The following CSMD3 variants were observed in gnomAD, a reference collection of about 807,000 sequenced individuals.
CSMD3 encodes the protein CUB and Sushi multiple domains 3, also known as CUB and sushi domain-containing protein 3.
In CSMD3, 177 loss-of-function variants were observed where a neutral mutation model predicts 435.2. That is an observed-to-expected ratio of 0.41 (90% confidence interval 0.36 to 0.46). The LOEUF (loss-of-function observed/expected upper bound fraction) is 0.46. Among genes scored for constraint, CSMD3 ranks in the 20% least tolerant of loss-of-function variants. The pLI is 0.34. For synonymous variants in CSMD3, 1,656 were observed against 1,520.5 expected (o/e 1.09, Z -2.07); for missense variants, 4,265 against 4,504.6 (o/e 0.95, Z 1.52).
At chr8:112,363,267 G>A (rs1827429648) in intron 38 of CSMD3, among the ~76,000 whole-genome samples, 1 of 151,960 alleles carries the variant, frequency 6.6e-6, no homozygotes, top group Non-Finnish European at 1.5e-5. Flanking sequence ...TATTGGAAGT[G>A]CCTAACAAAT....
At chr8:112,964,075 T>A (rs2084330381) in intron 7 of CSMD3, among the ~76,000 whole-genome samples, 1 of 151,964 alleles carries the variant, frequency 6.6e-6, no homozygotes, top group South Asian at 2.1e-4. Context: ...CTATGTGTAC[T>A]ATCTCATTGA....
At chr8:113,217,174 T>G (rs948987638) in intron 3 of CSMD3, among the ~76,000 whole-genome samples, 16 of 151,510 alleles carry the variant, frequency 1.1e-4, no homozygotes, top group African/African-American at 3.4e-4. Context: ...AACAAAGCAG[T>G]CTGAAGAGGT....
At chr8:112,339,018 G>C (rs1209098292) in intron 42 of CSMD3, among the ~76,000 whole-genome samples, 2 of 151,892 alleles carry the variant, frequency 1.3e-5, no homozygotes, top group Non-Finnish European at 2.9e-5. Context: ...GGGAACCTAA[G>C]GCTGTCTAAC....
chr8:112,900,569 A>G (rs1209091801), intron 10 of CSMD3, among the ~76,000 whole-genome samples: 1 of 151,254 alleles, frequency 6.6e-6, no homozygotes, highest in Non-Finnish European at 1.5e-5. Flanking sequence ...TAGTGCTGGG[A>G]GTAAACTGTG....
At chr8:113,210,068 T>A (rs1349680453) in intron 3 of CSMD3, among the ~76,000 whole-genome samples, 2 of 151,290 alleles carry the variant, frequency 1.3e-5, no homozygotes, top group African/African-American at 4.9e-5. Flanking sequence ...TTTCTAATTT[T>A]AAACTACATC....
chr8:112,611,608 G>C lies in CSMD3; in HGVS notation c.3716-24373C>G, dbSNP rs192937734. ...TTGCTCTAAAACATGCTCTATAATA[G>C]ACTATTGGCTTTTTAGATGGCTGTG... On this transcript the variant is annotated intron_variant, in intron 22 of 70. Transcript: ENST00000297405. Among the ~76,000 whole-genome samples, 46 of 152,154 alleles carry C rather than the reference G, an allele frequency of 3.0e-4. 1 individual carries two copies. The highest frequency in any genetic ancestry group is 2.8e-3 in the Admixed American group (43 of 15,268).
chr8:113,435,316 G>A (rs1398990892), intron 1 of CSMD3, among the ~76,000 whole-genome samples: 1 of 152,024 alleles, frequency 6.6e-6, no homozygotes, highest in Non-Finnish European at 1.5e-5. Flanking sequence ...CTGACTTCCT[G>A]GCATTTTGGG....
intron 13 of CSMD3, among the ~76,000 whole-genome samples, chr8:112,770,951 T>C (rs2078097908): frequency 1.3e-5 from 2 of 152,036 alleles, no homozygotes; most frequent in African/African-American, 4.8e-5. Context: ...TCAATTCTAA[T>C]GTCAAGATTG....
At chr8:112,551,142 C>A (rs1017324931) in intron 26 of CSMD3, among the ~76,000 whole-genome samples, 1 of 152,044 alleles carries the variant, frequency 6.6e-6, no homozygotes, top group Non-Finnish European at 1.5e-5. Context: ...ATGGATTTAA[C>A]TAGGGCAACA....
chr8:113,325,300 CAT>C (rs971232911), intron 1 of CSMD3, among the ~76,000 whole-genome samples: 3 of 152,140 alleles, frequency 2.0e-5, no homozygotes, highest in Non-Finnish European at 2.9e-5. Context: ...TGAATTCCCA[CAT>C]GTTGTGGGAG....
At chr8:113,217,673 GA>G (rs1312324610) in intron 3 of CSMD3, among the ~76,000 whole-genome samples, 8 of 151,468 alleles carry the variant, frequency 5.3e-5, no homozygotes, top group Admixed American at 2.0e-4. Flanking sequence ...AGAACAGAGA[GA>G]AACAAAGTGT....
chr8:112,428,794 A>T (rs920212219), intron 32 of CSMD3, among the ~76,000 whole-genome samples: 1 of 152,122 alleles, frequency 6.6e-6, no homozygotes, highest in African/African-American at 2.4e-5. Context: ...CTGAATTCTC[A>T]TTATTCCACC....
At chr8:112,873,954 T>C (rs2081206948) in intron 10 of CSMD3, among the ~76,000 whole-genome samples, 1 of 152,160 alleles carries the variant, frequency 6.6e-6, no homozygotes, top group African/African-American at 2.4e-5. Flanking sequence ...GTCTGCTAGT[T>C]TGAATTTGTT....
intron 1 of CSMD3, among the ~76,000 whole-genome samples, chr8:113,369,561 T>C (rs1272943899): frequency 1.3e-5 from 2 of 151,924 alleles, no homozygotes; most frequent in Non-Finnish European, 2.9e-5. Flanking sequence ...TGGGTATATA[T>C]CAAAATGAAA....
At chr8:112,718,388 C>T (rs2076780741) in intron 13 of CSMD3, among the ~76,000 whole-genome samples, 1 of 151,934 alleles carries the variant, frequency 6.6e-6, no homozygotes, top group African/African-American at 2.4e-5. Flanking sequence ...TCAAGCCTGT[C>T]TTCTCAACTC....
intron 6 of CSMD3, chr8:113,018,689 G>A (rs1171439664): frequency 5.2e-6 from 1 of 192,744 alleles, no homozygotes; most frequent in Admixed American, 5.5e-5. Context: ...TAACAAACAT[G>A]CTGCATATGG....
At position 113,051,094 on chromosome 8, in the gene CSMD3, C is replaced by T. The variant is rs147704609; in HGVS notation, c.918-31915G>A. Reference sequence around the variant, plus strand: ...TTCAACATTAAAAGTGAAAAAAATACTCTAACAATTTTTCCACAATATACT... The same window carrying T: ...TTCAACATTAAAAGTGAAAAAAATATTCTAACAATTTTTCCACAATATACT... On this transcript the variant is annotated intron_variant, in intron 5 of 70. Transcript: ENST00000297405. Among the ~76,000 whole-genome samples, 10 of 152,184 alleles carry T rather than the reference C, an allele frequency of 6.6e-5. No homozygotes were observed. The East Asian group carries it at 1.2e-3, about 18-fold the overall frequency.
chr8:112,737,397 T>C (rs1343714937), intron 13 of CSMD3, among the ~76,000 whole-genome samples: 3 of 151,972 alleles, frequency 2.0e-5, no homozygotes, highest in Admixed American at 6.6e-5. Flanking sequence ...ACTAAGACTT[T>C]CACAGAGGTG....
At chr8:112,252,950 T>C (rs2130239532) in intron 63 of CSMD3, among the ~76,000 whole-genome samples, 1 of 151,932 alleles carries the variant, frequency 6.6e-6, no homozygotes, top group South Asian at 2.1e-4. Context: ...ATGATTATAA[T>C]AGAATCCTTA....
Sources: allele counts gnomAD v4.1 joint callset (sites outside exome capture counted in the v4.1 genomes callset), GRCh38; gene constraint gnomAD v4.1.1; transcripts MANE v1.5; gene names NCBI Gene and HGNC (gene_info 2026-07-23, HGNC 2026-07-21).